TNFRSF10B: variants seen among roughly 807,000 people sequenced by gnomAD.
The protein encoded by TNFRSF10B is tumor necrosis factor receptor superfamily member 10B.
Under a neutral mutation model 41.4 loss-of-function variants are expected in TNFRSF10B, and 35 were observed. That is an observed-to-expected ratio of 0.85 (90% CI 0.65 to 1.12). The LOEUF is 1.12. Among genes scored for constraint, TNFRSF10B ranks in the 50% most tolerant of loss-of-function variants. The probability of loss-of-function intolerance (pLI) is 0.00; values close to 1 mark genes in which losing one functional copy is unlikely to be tolerated. For missense variants in TNFRSF10B, 584 were observed against 552.7 expected (o/e 1.06, Z -0.57); for synonymous variants, 230 against 215.5 (o/e 1.07, Z -0.59).
At chr8:23,038,901 T>A (rs1242174529) in intron 2 of TNFRSF10B, among the ~76,000 whole-genome samples, 2 of 152,082 alleles carry the variant, frequency 1.3e-5, no homozygotes, top group African/African-American at 4.8e-5. Context: ...GGCATGGGGA[T>A]GGTTTCAGGA....
At chr8:23,028,114 G>A (rs2128811702) in intron 5 of TNFRSF10B, 1 of 650,550 alleles carries the variant, frequency 1.5e-6, no homozygotes, top group Non-Finnish European at 2.6e-6. Context: ...TTGGCTGGGA[G>A]ATATGGGGAC....
chr8:23,060,340 T>C (rs1477582662), intron 1 of TNFRSF10B, among the ~76,000 whole-genome samples: 1 of 152,220 alleles, frequency 6.6e-6, no homozygotes, highest in Non-Finnish European at 1.5e-5. Context: ...TAAGGTTCAC[T>C]TCATTCTTTT....
rs78978775 is a variant in TNFRSF10B at position 23,045,892 on chromosome 8, T to G, written c.145-2649A>C. 4.1e-3 allele frequency among the ~76,000 whole-genome samples: 619 copies of G among 152,294 alleles called. 4 individuals carry two copies. Among genetic ancestry groups the G allele is most frequent in the Non-Finnish European group, 6.6e-3 (449 of 68,024 alleles). On this transcript the variant is annotated intron_variant, in intron 1 of 8. Transcript: ENST00000276431. ...GCATTTGACAAAACACAACATTCTT[T>G]CATGATAAAAACTCTAATCAAATTA...
In TNFRSF10B at chr8:23,021,543, C is replaced by T. The variant is rs1329761244; in HGVS notation, c.*1128G>A. 4.4e-6 allele frequency: 2 copies of T among 454,148 alleles called. No homozygotes were observed. Among genetic ancestry groups the T allele is most frequent in the South Asian group, 3.1e-5 (2 of 64,478 alleles). 28.1% of individuals were successfully genotyped at this position (454,148 alleles called of 1,614,324 possible). ...GTTCACTTGGGATATGACATAGACC[C>T]TATTGTTATGTGTGATCTAACCCAT... is the stretch of plus-strand genomic sequence containing the variant. On this transcript the variant is annotated 3_prime_UTR_variant, in exon 9 of 9. Coordinates refer to ENST00000276431, the MANE Select transcript of TNFRSF10B (RefSeq NM_003842.5).
At chr8:23,040,106 A>G (rs11995693) in intron 2 of TNFRSF10B, among the ~76,000 whole-genome samples, 4,153 of 151,510 alleles carry the variant, frequency 0.027, 178 homozygotes, top group African/African-American at 0.095. Context: ...GCTTAAACCC[A>G]GCAGCCATAG....
chr8:23,068,379 G>A (rs1041014801), intron 1 of TNFRSF10B: 8 of 311,514 alleles, frequency 2.6e-5, no homozygotes, highest in Admixed American at 9.7e-5. Context: ...AAGGAAGGGA[G>A]GGAAAGAAAG....
Position 23,027,736 on chromosome 8 carries a change from C to T in TNFRSF10B, c.766G>A (p.Glu256Lys), listed in dbSNP as rs1319763371. 2.5e-6 allele frequency: 4 copies of T among 1,614,088 alleles called. No homozygotes were observed. Among genetic ancestry groups the T allele is most frequent in the Admixed American group, 3.3e-5 (2 of 60,016 alleles). Residue 256 changes from glutamate (E) to lysine (K), a missense_variant, in exon 6 of 9, where the codon GAG becomes AAG. Coordinates refer to ENST00000276431, the MANE Select transcript of TNFRSF10B (RefSeq NM_003842.5). ...AATCAACTCACTCTGTCCACACGCTCAGGGTCCCCACCACCACCTAAAAAA... is the reference window on the plus strand; with the variant it reads ...AATCAACTCACTCTGTCCACACGCTTAGGGTCCCCACCACCACCTAAAAAA... ...GICSGGGGDP[E>K]RVDRSSQRPG...
intron 2 of TNFRSF10B, 63 bp from the exon 3 acceptor site, chr8:23,030,935 T>A: frequency 8.4e-7 from 1 of 1,194,068 alleles, no homozygotes; most frequent in Non-Finnish European, 1.2e-6. Flanking sequence ...CTGGCAGTGG[T>A]GGCTGGGGGA....
intron 7 of TNFRSF10B, among the ~76,000 whole-genome samples, chr8:23,024,584 G>A (rs1335206978): frequency 3.3e-5 from 5 of 151,524 alleles, no homozygotes; most frequent in East Asian, 1.9e-4. Flanking sequence ...GCAATAGTGC[G>A]ATCTTGGCTC....
intron 8 of TNFRSF10B, 141 bp downstream of exon 8, chr8:23,024,047 G>C (rs1585204723): frequency 1.0e-6 from 1 of 1,001,066 alleles, no homozygotes; most frequent in Middle Eastern, 2.8e-4. Context: ...ACAGTTTAGG[G>C]TCCAGATGGT....
intron 1 of TNFRSF10B, among the ~76,000 whole-genome samples, chr8:23,056,266 C>A (rs1812663196): frequency 6.6e-6 from 1 of 152,134 alleles, no homozygotes; most frequent in African/African-American, 2.4e-5. Flanking sequence ...TACGATATTA[C>A]CTTAATGCCC....
chr8:23,043,680 CTTAAAAAA>C (rs769613193), intron 1 of TNFRSF10B, among the ~76,000 whole-genome samples: 2 of 152,100 alleles, frequency 1.3e-5, no homozygotes, highest in Non-Finnish European at 2.9e-5. Flanking sequence ...ATATAGCAAA[CTTAAAAAA>C]TTGGGATACA....
At chr8:23,033,620 A>T (rs6557610) in intron 2 of TNFRSF10B, among the ~76,000 whole-genome samples, 1 of 107,754 alleles carries the variant, frequency 9.3e-6, no homozygotes, top group Non-Finnish European at 2.1e-5. Flanking sequence ...AAAAAAAAAA[A>T]AGAACCCTGG....
chr8:23,027,405 A>G (rs1811735819), intron 6 of TNFRSF10B, 117 bp from the exon 7 acceptor site: 11 of 1,324,980 alleles, frequency 8.3e-6, no homozygotes, highest in Non-Finnish European at 1.2e-5. Flanking sequence ...CAGTGAGGTC[A>G]CCGCAGGCAG....
intron 8 of TNFRSF10B, among the ~76,000 whole-genome samples, chr8:23,023,964 C>T (rs979270357): frequency 2.0e-5 from 3 of 151,864 alleles, no homozygotes; most frequent in Non-Finnish European, 4.4e-5. Context: ...GATGAGGGGA[C>T]GGACAGAGTC....
At chr8:23,043,949 T>C (rs558814321) in intron 1 of TNFRSF10B, among the ~76,000 whole-genome samples, 1 of 152,372 alleles carries the variant, frequency 6.6e-6, no homozygotes, top group South Asian at 2.1e-4. Context: ...TGTAGCATGT[T>C]ACATAATTGC....
At chr8:23,038,361 A>C (rs574617062) in intron 2 of TNFRSF10B, among the ~76,000 whole-genome samples, 5 of 152,266 alleles carry the variant, frequency 3.3e-5, no homozygotes, top group Non-Finnish European at 7.3e-5. Flanking sequence ...CAGGGAATAC[A>C]GAATGCACAG....
intron 6 of TNFRSF10B, 39 bp downstream of exon 6, chr8:23,027,683 G>T: frequency 6.2e-7 from 1 of 1,613,946 alleles, no homozygotes; most frequent in Non-Finnish European, 8.5e-7. Context: ...AGCAGTTCCT[G>T]AACCCCTGAG....
intron 1 of TNFRSF10B, among the ~76,000 whole-genome samples, chr8:23,063,810 C>T (rs527767423): frequency 2.6e-5 from 4 of 152,280 alleles, no homozygotes; most frequent in Admixed American, 6.5e-5. Context: ...GGGATGTCCC[C>T]GGGGAAAACT....
Sources: gnomAD v4.1 joint callset for allele counts (sites outside exome capture counted in the v4.1 genomes callset) on GRCh38, gnomAD v4.1.1 for gene constraint, MANE v1.5 for transcripts, NCBI Gene and HGNC (gene_info 2026-07-23, HGNC 2026-07-21) for gene names.